The following DLG2 variants were observed in gnomAD, a reference collection of about 807,000 sequenced individuals.
DLG2 encodes the protein discs large MAGUK scaffold protein 2, also known as disks large homolog 2.
A neutral mutation model predicts 132.5 loss-of-function variants in DLG2; 45 were observed. The observed-to-expected ratio is 0.34, with a 90% CI of 0.27 to 0.44. The LOEUF (loss-of-function observed/expected upper bound fraction) is 0.44, where lower values mean the gene tolerates loss of function less well. Among genes scored for constraint, DLG2 ranks in the 20% least tolerant of loss-of-function variants. The probability of loss-of-function intolerance (pLI) is 1.00; values close to 1 mark genes in which losing one functional copy is unlikely to be tolerated. For missense variants in DLG2, 1,045 were observed against 1,196.9 expected (o/e 0.87, Z 1.87); for synonymous variants, 424 against 419.6 (o/e 1.01, Z -0.13).
chr11:84,751,774 G>A (rs943398825), intron 6 of DLG2, among the ~76,000 whole-genome samples: 4 of 152,316 alleles, frequency 2.6e-5, no homozygotes, highest in African/African-American at 9.6e-5. Context: ...GCAGTAATGT[G>A]TAGCAATCTT....
At chr11:84,012,213 T>A (rs1378387950) in intron 11 of DLG2, among the ~76,000 whole-genome samples, 2 of 152,180 alleles carry the variant, frequency 1.3e-5, no homozygotes, top group African/African-American at 4.8e-5. Flanking sequence ...GTAGTAGCTG[T>A]CATGAAACAT....
intron 3 of DLG2, among the ~76,000 whole-genome samples, chr11:85,399,540 G>C (rs1039202912): frequency 6.6e-6 from 1 of 152,188 alleles, no homozygotes; most frequent in African/African-American, 2.4e-5. Flanking sequence ...ATACTACAAG[G>C]CTACAGTAAC....
At chr11:83,632,615 T>A (rs979644212) in intron 19 of DLG2, 11 of 152,314 alleles carry the variant, frequency 7.2e-5, no homozygotes, top group African/African-American at 2.2e-4. Context: ...GCATTTCACA[T>A]TCAATCAATC....
chr11:84,241,674 T>G (rs991485732), intron 8 of DLG2, among the ~76,000 whole-genome samples: 1 of 152,190 alleles, frequency 6.6e-6, no homozygotes, highest in African/African-American at 2.4e-5. Flanking sequence ...GCCTTAGATA[T>G]GTTTATTTTG....
chr11:83,917,096 CT>C (rs2077040396), intron 15 of DLG2, among the ~76,000 whole-genome samples: 1 of 152,058 alleles, frequency 6.6e-6, no homozygotes, highest in Non-Finnish European at 1.5e-5. Flanking sequence ...CTTTCCATTT[CT>C]TTTTACTTAT....
At chr11:85,224,211 C>G (rs1000575729) in intron 4 of DLG2, among the ~76,000 whole-genome samples, 2 of 152,120 alleles carry the variant, frequency 1.3e-5, no homozygotes, top group Non-Finnish European at 2.9e-5. Context: ...AGAGCTACAA[C>G]TGCTTGAAGG....
intron 11 of DLG2, among the ~76,000 whole-genome samples, chr11:83,994,525 G>A (rs930129954): frequency 6.6e-6 from 1 of 152,062 alleles, no homozygotes; most frequent in African/African-American, 2.4e-5. Flanking sequence ...GAGCACCACT[G>A]TACCCAGCTT....
intron 7 of DLG2, among the ~76,000 whole-genome samples, chr11:84,509,234 G>C (rs1314313743): frequency 6.6e-6 from 1 of 152,106 alleles, no homozygotes; most frequent in African/African-American, 2.4e-5. Context: ...GTCTCCTTTA[G>C]ATAAAGGGAA....
chr11:83,513,608 C>G (rs1404779851), intron 21 of DLG2, among the ~76,000 whole-genome samples: 2 of 152,162 alleles, frequency 1.3e-5, no homozygotes, highest in African/African-American at 2.4e-5. Context: ...TTGCCCATGC[C>G]TATGTCCTGA....
At chr11:83,872,169 C>T (rs1186611765) in intron 16 of DLG2, among the ~76,000 whole-genome samples, 2 of 152,056 alleles carry the variant, frequency 1.3e-5, no homozygotes, top group Admixed American at 1.3e-4. Flanking sequence ...AGGCTGAGGC[C>T]GGAGAATCGC....
At chr11:85,206,291 T>C (rs1218691319) in intron 4 of DLG2, among the ~76,000 whole-genome samples, 2 of 152,174 alleles carry the variant, frequency 1.3e-5, no homozygotes, top group African/African-American at 4.8e-5. Context: ...CTATTTTCTT[T>C]ATAAATTACT....
At chr11:84,160,622 T>G (rs541393288) in intron 9 of DLG2, among the ~76,000 whole-genome samples, 44 of 152,296 alleles carry the variant, frequency 2.9e-4, no homozygotes, top group Middle Eastern at 6.8e-3. Flanking sequence ...GGTTACTTAT[T>G]TTTTCTAAGA....
At chr11:84,303,951 T>C (rs1373664037) in intron 7 of DLG2, among the ~76,000 whole-genome samples, 3 of 152,196 alleles carry the variant, frequency 2.0e-5, no homozygotes, top group Non-Finnish European at 2.9e-5. Context: ...TCAAGAACAC[T>C]TTATTAACTT....
At chr11:84,391,130 GAGGACATTATT>G (rs1386091285) in intron 7 of DLG2, among the ~76,000 whole-genome samples, 2 of 152,170 alleles carry the variant, frequency 1.3e-5, no homozygotes, top group African/African-American at 4.8e-5. Flanking sequence ...TTAGTTGTAA[GAGGACATTATT>G]AGAAACCCAA....
intron 3 of DLG2, chr11:85,469,287 A>C (rs1476631051): frequency 6.6e-6 from 1 of 152,226 alleles, no homozygotes; most frequent in Non-Finnish European, 1.5e-5. Context: ...GCTCCTACTC[A>C]TTCCAACTCT....
chr11:85,145,416 C>T (rs777805592), intron 5 of DLG2, among the ~76,000 whole-genome samples: 3 of 152,078 alleles, frequency 2.0e-5, no homozygotes, highest in East Asian at 1.9e-4. Context: ...AACTTTCTTA[C>T]CTGATCTCTT....
At chr11:84,577,442 A>T (rs1310280246) in intron 6 of DLG2, among the ~76,000 whole-genome samples, 1 of 152,194 alleles carries the variant, frequency 6.6e-6, no homozygotes, top group African/African-American at 2.4e-5. Context: ...TATATGGACA[A>T]TAAGGTCCAG....
At chr11:85,604,551 T>A (rs562208118) in intron 2 of DLG2, among the ~76,000 whole-genome samples, 27 of 152,206 alleles carry the variant, frequency 1.8e-4, no homozygotes, top group African/African-American at 5.1e-4. Context: ...AATAACCAAG[T>A]GGAGAATTTT....
At position 83,471,669 on chromosome 11, in the gene DLG2, G is replaced by A; in HGVS notation, c.2403C>T (p.Asp801=). 6.2e-7 allele frequency: 1 copy of A among 1,613,212 alleles called. No individual in the cohort carries two copies. Among genetic ancestry groups the A allele is most frequent in the Non-Finnish European group, 8.5e-7 (1 of 1,179,446 alleles). The change falls in exon 24 of 28, where the codon GAC becomes GAT. Residue 801 remains aspartate (D), a synonymous_variant. Transcript: ENST00000376104. ...ATTTATCAGGGAATTCAGATATCAA[G>A]TCGTCATTGATCCGATCCTTCATGG... The part of the protein sequence containing the change: ...LGPMKDRIND[D]LISEFPDKFG...
Sources: gnomAD v4.1 joint callset for allele counts (sites outside exome capture counted in the v4.1 genomes callset) on GRCh38, gnomAD v4.1.1 for gene constraint, MANE v1.5 for transcripts, NCBI Gene and HGNC (gene_info 2026-07-23, HGNC 2026-07-21) for gene names.